The following KIF5B variants were observed in gnomAD, a reference collection of about 807,000 sequenced individuals.
KIF5B encodes kinesin family member 5B.
A neutral mutation model predicts 132.8 loss-of-function variants in KIF5B; 49 were observed. The observed-to-expected ratio is 0.37, with a 90% confidence interval of 0.29 to 0.47. The LOEUF (loss-of-function observed/expected upper bound fraction) is 0.47, where lower values mean the gene tolerates loss of function less well. Among genes scored for constraint, KIF5B ranks in the 20% least tolerant of loss-of-function variants. The pLI is 1.00. For missense variants in KIF5B, 780 were observed against 1,144.0 expected (o/e 0.68, Z 4.59); for synonymous variants, 355 against 369.4 (o/e 0.96, Z 0.45).
chr10:32,020,133 T>G (rs1841238584), intron 19 of KIF5B, among the ~76,000 whole-genome samples, 174 bp from the exon 20 acceptor site: 1 of 152,126 alleles, frequency 6.6e-6, no homozygotes, highest in Non-Finnish European at 1.5e-5. Context: ...ATACAAAATT[T>G]TTCGTATTTT....
chr10:32,013,004 C>T (rs1841105517), intron 25 of KIF5B, among the ~76,000 whole-genome samples: 2 of 151,462 alleles, frequency 1.3e-5, no homozygotes, highest in African/African-American at 4.8e-5. Flanking sequence ...TGGGTTCAAG[C>T]GATTCTCCTG....
intron 25 of KIF5B, 45 bp downstream of exon 25, chr10:32,015,464 A>G: frequency 7.0e-6 from 10 of 1,424,734 alleles, no homozygotes; most frequent in Non-Finnish European, 9.4e-6. Context: ...TTTAACAACC[A>G]ATTTTCCACA....
intron 15 of KIF5B, among the ~76,000 whole-genome samples, chr10:32,024,146 CTTTTTTTTTTTTTTTT>C (rs769483155): frequency 1.4e-5 from 1 of 69,744 alleles, no homozygotes; most frequent in Non-Finnish European, 2.5e-5. Context: ...ATGAAGAACT[CTTTTTTTTTTTTTTTT>C]TTTTTTTTTT....
chr10:32,041,301 G>C (rs543845149), intron 2 of KIF5B, among the ~76,000 whole-genome samples: 2 of 152,070 alleles, frequency 1.3e-5, no homozygotes, highest in African/African-American at 4.8e-5. Context: ...AATTTTCTTA[G>C]TGATGACCCA....
In KIF5B at chr10:32,012,276, C is replaced by T. The variant is rs1841093978; in HGVS notation, c.*21-760G>A. On this transcript the variant is annotated intron_variant, in intron 25 of 25. Coordinates refer to ENST00000302418, the MANE Select transcript of KIF5B (RefSeq NM_004521.3). Reference sequence around the variant, plus strand: ...TCACCTGCGGTCAGGAGTTCAATACCAGCCTGGCCAACATGGCAAAACCCC... The same window carrying T: ...TCACCTGCGGTCAGGAGTTCAATACTAGCCTGGCCAACATGGCAAAACCCC... 2.6e-5 allele frequency among the ~76,000 whole-genome samples: 4 copies of T among 152,144 alleles called. No individual in the cohort carries two copies. The South Asian group carries it at 8.3e-4, about 32-fold the overall frequency.
Position 32,034,019 on chromosome 10 carries a change from A to G in KIF5B, c.1131T>C (p.Asp377=). The G allele has an allele frequency of 6.3e-7, 1 of 1,581,354 alleles. No homozygotes were observed. Among genetic ancestry groups the G allele is most frequent in the Non-Finnish European group, 8.6e-7 (1 of 1,165,878 alleles). Residue 377 remains aspartate, a synonymous_variant, in exon 12 of 26, where the codon GAT becomes GAC. Coordinates refer to ENST00000302418, the MANE Select transcript of KIF5B (RefSeq NM_004521.3). ...TGGCTTTCTCTTTGTCAAACTGTTC[A>G]TCAATAGGCACCGTCTCCCCTAAAA... is the stretch of plus-strand genomic sequence containing the variant. The part of the protein sequence containing the change: ...RWRNGETVPI[D]EQFDKEKANL...
intron 16 of KIF5B, among the ~76,000 whole-genome samples, 197 bp from the exon 17 acceptor site, chr10:32,022,454 C>A (rs1841277037): frequency 6.6e-6 from 1 of 152,178 alleles, no homozygotes; most frequent in African/African-American, 2.4e-5. Flanking sequence ...AACTAAGGCA[C>A]TGAAGACTCA....
intron 12 of KIF5B, 74 bp from the exon 13 acceptor site, chr10:32,032,848 G>T (rs926791060): frequency 8.9e-6 from 9 of 1,011,858 alleles, no homozygotes; most frequent in Middle Eastern, 2.0e-4. Flanking sequence ...CAGGTTATAA[G>T]ATTACTACTC....
intron 1 of KIF5B, among the ~76,000 whole-genome samples, chr10:32,052,729 A>G (rs958737353): frequency 2.0e-5 from 3 of 152,194 alleles, no homozygotes; most frequent in Admixed American, 2.0e-4. Flanking sequence ...TTTAAAGCAA[A>G]TAGTTTATAT....
intron 17 of KIF5B, 26 bp from the exon 18 acceptor site, chr10:32,021,313 G>A: frequency 1.3e-6 from 2 of 1,539,938 alleles, no homozygotes; most frequent in East Asian, 4.5e-5. Flanking sequence ...GAAAATAGAA[G>A]AGTGAAATAA....
In KIF5B at chr10:32,056,049, G is replaced by A. The variant is rs1788294208; in HGVS notation, c.-76C>T. ...CTTGCAGGGAACGCGCCGGACCTGA[G>A]GGCTTGTGGTCGCGAGGGCCGTGAG... On this transcript the variant is annotated 5_prime_UTR_variant, in exon 1 of 26. Coordinates refer to ENST00000302418, the MANE Select transcript of KIF5B (RefSeq NM_004521.3). 1.9e-6 allele frequency: 3 copies of A among 1,559,838 alleles called. No individual in the cohort carries two copies. The highest frequency in any genetic ancestry group is 2.7e-5 in the African/African-American group (2 of 73,226).
chr10:32,034,883 T>C, intron 10 of KIF5B, 45 bp from the exon 11 acceptor site: 1 of 1,450,078 alleles, frequency 6.9e-7, no homozygotes. Context: ...ACTGAAATTA[T>C]TTTTAATTTT....
At chr10:32,051,076 T>G (rs1841688222) in intron 1 of KIF5B, among the ~76,000 whole-genome samples, 1 of 152,200 alleles carries the variant, frequency 6.6e-6, no homozygotes, top group African/African-American at 2.4e-5. Context: ...TAATAGAGGA[T>G]AAGGCCAGAT....
intron 19 of KIF5B, among the ~76,000 whole-genome samples, 177 bp downstream of exon 19, chr10:32,020,845 A>T (rs552611870): frequency 6.6e-6 from 1 of 152,236 alleles, no homozygotes; most frequent in Non-Finnish European, 1.5e-5. Context: ...AAGACCTAAA[A>T]AAAAGCCTCA....
At chr10:32,049,436 G>T (rs2132616556) in intron 1 of KIF5B, among the ~76,000 whole-genome samples, 1 of 152,300 alleles carries the variant, frequency 6.6e-6, no homozygotes, top group Non-Finnish European at 1.5e-5. Flanking sequence ...ACTCTCCCCA[G>T]TATTAGTCAT....
At position 32,020,918 on chromosome 10, in the gene KIF5B, T is replaced by A. The variant is rs148474444; in HGVS notation, c.2204+104A>T. 255 of 604,248 alleles carry A rather than the reference T, an allele frequency of 4.2e-4. 1 individual carries two copies. Among genetic ancestry groups the A allele is most frequent in the East Asian group, 7.3e-4 (26 of 35,578 alleles). 37.4% of individuals were successfully genotyped at this position (604,248 alleles called of 1,614,324 possible). A position where few individuals can be genotyped will look rare whatever the true frequency, so the allele number is the denominator to read the frequency against. On this transcript the variant is annotated intron_variant, in intron 19 of 25. Transcript: ENST00000302418. ...TGAGAAAATTCTTTATTTTCCAAGATAAAAATGTAATTTTGATGAAAACTG... is the reference window on the plus strand; with the variant it reads ...TGAGAAAATTCTTTATTTTCCAAGAAAAAAATGTAATTTTGATGAAAACTG...
intron 15 of KIF5B, among the ~76,000 whole-genome samples, chr10:32,024,433 C>T (rs1434610564): frequency 1.3e-5 from 2 of 148,930 alleles, no homozygotes; most frequent in Admixed American, 6.6e-5. Context: ...GGATTACAGG[C>T]GTGAGCCACC....
At chr10:32,025,374 A>G (rs543572429) in intron 15 of KIF5B, among the ~76,000 whole-genome samples, 1 of 152,154 alleles carries the variant, frequency 6.6e-6, no homozygotes, top group East Asian at 1.9e-4. Flanking sequence ...CTTACACATG[A>G]ATTATTATTA....
Position 32,037,323 on chromosome 10 carries a change from T to C in KIF5B, c.642A>G (p.Gln214=). The change falls in exon 8 of 26, where the codon CAA becomes CAG. Residue 214 remains glutamine (Q), a synonymous_variant. Transcript: ENST00000302418. The stretch of plus-strand genomic sequence containing the variant: ...GCTTTTGTTCCGTTTGTGTGTTCTC[T>C]TGTTTGACATTAATAAGAAATATAC... ...SHSIFLINVK[Q]ENTQTEQKLS... 3 of 1,613,600 alleles carry C rather than the reference T, an allele frequency of 1.9e-6. No individual in the cohort carries two copies. Among genetic ancestry groups the C allele is most frequent in the Non-Finnish European group, 2.5e-6 (3 of 1,179,528 alleles).
Sources: gnomAD v4.1 joint callset for allele counts (sites outside exome capture counted in the v4.1 genomes callset) on GRCh38, gnomAD v4.1.1 for gene constraint, MANE v1.5 for transcripts, NCBI Gene and HGNC (gene_info 2026-07-23, HGNC 2026-07-21) for gene names.